Variants in PLA2G4A observed in about 807,000 individuals in gnomAD.
The protein encoded by PLA2G4A is phospholipase A2 group IVA.
In PLA2G4A, 40 loss-of-function variants were observed where a neutral mutation model predicts 81.9. The ratio of observed to expected loss-of-function variants is 0.49; its 90% CI spans 0.38 to 0.64. The LOEUF is 0.64. PLA2G4A is among the 30% of genes least tolerant of loss of function. The pLI is 0.00. For synonymous variants in PLA2G4A, 302 were observed against 296.9 expected, an observed-to-expected ratio of 1.02 and a Z score of -0.18; for missense variants, 715 against 905.1, an observed-to-expected ratio of 0.79 and a Z score of 2.69.
At chr1:186,857,389 A>ATATAATATATAATATATATTATATAATG (rs1412370644) in intron 2 of PLA2G4A, among the ~76,000 whole-genome samples, 70 of 127,892 alleles carry the variant, frequency 5.5e-4, no homozygotes, top group South Asian at 2.0e-3. Flanking sequence ...TATAAATGTA[A>ATATAATATATAATATATATTATATAATG]TATAATATAT....
At chr1:186,919,279 C>T (rs1216835276) in intron 7 of PLA2G4A, among the ~76,000 whole-genome samples, 1 of 152,186 alleles carries the variant, frequency 6.6e-6, no homozygotes, top group African/African-American at 2.4e-5. Flanking sequence ...AGGAATTCCC[C>T]TACTTGCCTT....
At chr1:186,873,890 A>G (rs1397950230) in intron 3 of PLA2G4A, among the ~76,000 whole-genome samples, 1 of 152,024 alleles carries the variant, frequency 6.6e-6, no homozygotes, top group Non-Finnish European at 1.5e-5. Context: ...TTTCAGTGTT[A>G]CTCAAATGCA....
At position 186,897,495 on chromosome 1, in the gene PLA2G4A, A is replaced by T. The variant is rs546136903; in HGVS notation, c.378+3284A>T. On this transcript the variant is annotated intron_variant, in intron 5 of 17. Coordinates refer to ENST00000367466, the MANE Select transcript of PLA2G4A (RefSeq NM_024420.3). ...AGAATACTTCTCTTCTTTTAAAAAT[A>T]TTTTATTTTTATTTTTATTTATTTA... 3.0e-4 allele frequency among the ~76,000 whole-genome samples: 45 copies of T among 152,060 alleles called. 1 individual carries two copies. Among genetic ancestry groups the T allele is most frequent in the Non-Finnish European group, 6.0e-4 (41 of 67,972 alleles).
chr1:186,869,884 A>G (rs1175540852), intron 2 of PLA2G4A, among the ~76,000 whole-genome samples: 1 of 152,202 alleles, frequency 6.6e-6, no homozygotes, highest in Non-Finnish European at 1.5e-5. Context: ...TGTTTATGCA[A>G]GGTGTTAGGC....
intron 10 of PLA2G4A, among the ~76,000 whole-genome samples, chr1:186,943,654 T>C (rs1051570521): frequency 1.3e-5 from 2 of 152,094 alleles, no homozygotes; most frequent in African/African-American, 4.8e-5. Flanking sequence ...GGTAAAAAGA[T>C]ACCTTTGTGT....
intron 17 of PLA2G4A, among the ~76,000 whole-genome samples, chr1:186,982,129 T>C (rs1657742163): frequency 6.6e-6 from 1 of 152,254 alleles, no homozygotes; most frequent in South Asian, 2.1e-4. Context: ...TCTTTATGAC[T>C]TTGACCCTGG....
At chr1:186,958,399 C>T (rs958915206) in intron 14 of PLA2G4A, among the ~76,000 whole-genome samples, 6 of 152,014 alleles carry the variant, frequency 3.9e-5, no homozygotes, top group Non-Finnish European at 8.8e-5. Context: ...ATTGCCATCG[C>T]AATACCAATT....
chr1:186,922,472 C>A (rs573161063), intron 7 of PLA2G4A, among the ~76,000 whole-genome samples: 1 of 152,316 alleles, frequency 6.6e-6, no homozygotes, highest in East Asian at 1.9e-4. Context: ...CTGTGTTGAT[C>A]CTTCACGGGG....
At chr1:186,978,434 G>A (rs1260222066) in intron 16 of PLA2G4A, among the ~76,000 whole-genome samples, 1 of 152,114 alleles carries the variant, frequency 6.6e-6, no homozygotes, top group Non-Finnish European at 1.5e-5. Context: ...TAAATGGAAA[G>A]ACACAAAAAA....
chr1:186,917,646 A>G (rs1228163501), intron 7 of PLA2G4A, among the ~76,000 whole-genome samples: 1 of 152,174 alleles, frequency 6.6e-6, no homozygotes, highest in African/African-American at 2.4e-5. Context: ...AGGGCAGTCC[A>G]AACCTAGGAA....
chr1:186,900,886 G>T (rs1318600715), intron 5 of PLA2G4A, among the ~76,000 whole-genome samples: 1 of 152,142 alleles, frequency 6.6e-6, no homozygotes, highest in Non-Finnish European at 1.5e-5. Context: ...GGCTCCTGTG[G>T]CATCTATCTG....
rs747614968 is a variant in PLA2G4A, at chr1:186,977,777, A to G, written c.1949A>G (p.Tyr650Cys). ...FVLANINFRKYRAPGVPRETE... is the reference protein window; with the variant it reads ...FVLANINFRKCRAPGVPRETE... ...CTGGCCAACATCAACTTCAGAAAGT[A>G]CAGGGCTCCAGGTAAGTAGGGAGTA... Residue 650 changes from tyrosine to cysteine, a missense_variant, in exon 16 of 18, where the codon TAC (tyrosine) becomes TGC (cysteine). Coordinates refer to ENST00000367466, the MANE Select transcript of PLA2G4A (RefSeq NM_024420.3). 18 of 1,607,710 alleles carry G rather than the reference A, an allele frequency of 1.1e-5. No homozygotes were observed. Among genetic ancestry groups the G allele is most frequent in the Non-Finnish European group, 8.5e-7 (1 of 1,174,228 alleles).
At chr1:186,886,556 T>A (rs1653944538) in intron 3 of PLA2G4A, among the ~76,000 whole-genome samples, 1 of 152,184 alleles carries the variant, frequency 6.6e-6, no homozygotes, top group African/African-American at 2.4e-5. Context: ...TCAGAGGCAT[T>A]TCGTTCAACA....
At chr1:186,918,092 G>C (rs1366688789) in intron 7 of PLA2G4A, among the ~76,000 whole-genome samples, 1 of 152,156 alleles carries the variant, frequency 6.6e-6, no homozygotes, top group Non-Finnish European at 1.5e-5. Context: ...CCCCTGTCTG[G>C]GTGGAAGAAG....
intron 8 of PLA2G4A, among the ~76,000 whole-genome samples, chr1:186,935,413 T>TTA (rs1553217021): frequency 3.3e-5 from 5 of 151,274 alleles, no homozygotes; most frequent in African/African-American, 1.2e-4. Flanking sequence ...TTTTTATTTT[T>TTA]TTTTTTTTCA....
At chr1:186,870,562 C>T (rs1653222583) in intron 3 of PLA2G4A, 46 bp downstream of exon 3, 1 of 1,363,530 alleles carries the variant, frequency 7.3e-7, no homozygotes, top group Non-Finnish European at 1.0e-6. Context: ...AATTATGGTT[C>T]AGCCTTTAAT....
chr1:186,830,991 T>C (rs891404339), intron 1 of PLA2G4A, among the ~76,000 whole-genome samples: 14 of 149,044 alleles, frequency 9.4e-5, no homozygotes, highest in Admixed American at 2.7e-4. Flanking sequence ...TCTTTCTTTC[T>C]TTCTTTCTTT....
intron 7 of PLA2G4A, among the ~76,000 whole-genome samples, chr1:186,916,863 G>C (rs561248463): frequency 6.6e-6 from 1 of 152,300 alleles, no homozygotes; most frequent in South Asian, 2.1e-4. Flanking sequence ...GAAAATCAGT[G>C]GAAGTGTCTA....
intron 2 of PLA2G4A, 111 bp downstream of exon 2, chr1:186,854,498 A>G (rs368130484): frequency 5.5e-5 from 42 of 770,390 alleles, no homozygotes; most frequent in East Asian, 4.4e-4. Context: ...TGCATTTGTT[A>G]TTAAACTCAT....
Sources: allele counts gnomAD v4.1 joint callset (sites outside exome capture counted in the v4.1 genomes callset), GRCh38; gene constraint gnomAD v4.1.1; transcripts MANE v1.5; gene names NCBI Gene and HGNC (gene_info 2026-07-23, HGNC 2026-07-21).